Variants in CANT1 observed in about 807,000 individuals in gnomAD.
CANT1 encodes the protein calcium activated nucleotidase 1.
Under a neutral mutation model 30.0 loss-of-function variants are expected in CANT1, and 26 were observed. The ratio of observed to expected loss-of-function variants is 0.87; its 90% CI spans 0.64 to 1.20. The LOEUF is 1.20. Ranked by LOEUF, CANT1 falls within the 50% of genes most tolerant of loss-of-function variation. CANT1 has a pLI of 0.00. For synonymous variants in CANT1, 246 were observed against 251.8 expected (o/e 0.98, Z 0.22); for missense variants, 518 against 563.0 (o/e 0.92, Z 0.81).
chr17:79,005,079 T>G (rs1599250342), intron 1 of CANT1, among the ~76,000 whole-genome samples: 1 of 26,502 alleles, frequency 3.8e-5, no homozygotes, highest in Non-Finnish European at 6.0e-5. Context: ...AAGGGGGAGT[T>G]AGGGAGGGGA....
Position 78,997,616 on chromosome 17 carries a change from C to T in CANT1, c.7G>A (p.Val3Met), listed in dbSNP as rs748217733. Residue 3 changes from valine to methionine, a missense_variant, in exon 3 of 5, where the codon GTG becomes ATG. This residue lies in a region of CANT1 where 249 missense variants were observed against 268.8 expected (regional missense o/e 0.93). Coordinates refer to ENST00000392446, the MANE Select transcript of CANT1 (RefSeq NM_001159773.2). This position sits in a 1 kb window ranked among gnomAD's most constrained non-coding sequence, Gnocchi z 7.5. ...CATTCCGGGTGCTCAGACAGCTGCA[C>T]GGGCATCAGCGTGACAGACAGGCGG... Reference protein sequence around the residue: MPVQLSEHPEWNE... With the variant: MPMQLSEHPEWNE... 9 of 1,568,118 alleles carry T rather than the reference C, an allele frequency of 5.7e-6. No homozygotes were observed. Among genetic ancestry groups the T allele is most frequent in the Admixed American group, 1.9e-5 (1 of 53,570 alleles).
rs760260810 is a variant in CANT1 at position 78,993,833 on chromosome 17, C to T, written c.923G>A (p.Ser308Asn). 28 of 1,604,316 alleles carry T rather than the reference C, an allele frequency of 1.7e-5. No individual in the cohort carries two copies. Among genetic ancestry groups the T allele is most frequent in the Non-Finnish European group, 2.4e-5 (28 of 1,176,674 alleles). ...LPRRASQERYSEKDDERKGAN... is the reference protein window; with the variant it reads ...LPRRASQERYNEKDDERKGAN... ...GCCCTTGCGCTCGTCGTCCTTCTCG[C>T]TGTAGCGCTCCTGGCTGGCGCGGCG... The change falls in exon 5 of 5, where the codon AGC becomes AAC. Residue 308 changes from serine (S) to asparagine (N), a missense_variant. By Grantham distance (46) the Ser-to-Asn change is conservative. Around this residue, in one of 3 missense-constraint regions of CANT1, gnomAD observed 221 missense variants for 211.8 expected, o/e 1.04. Coordinates refer to ENST00000392446, the MANE Select transcript of CANT1 (RefSeq NM_001159773.2). The surrounding 1 kb of genome is among the most constrained non-coding windows in gnomAD (Gnocchi z 4.5).
intron 1 of CANT1, among the ~76,000 whole-genome samples, chr17:79,000,542 T>G (rs1411653454): frequency 1.3e-5 from 2 of 150,986 alleles, no homozygotes; most frequent in African/African-American, 4.9e-5. Context: ...TGCCATGAAG[T>G]AGCATCCATC....
Position 78,997,156 on chromosome 17 carries a change from G to C in CANT1, c.467C>G (p.Ser156Cys), listed in dbSNP as rs777781916. ...EWDKDHGVLE[S>C]HLAEKGRGME... The stretch of plus-strand genomic sequence containing the variant: ...GCCTCTCCCCTTCTCCGCCAGGTGG[G>C]ACTCCAGGACCCCATGGTCTTTGTC... Residue 156 changes from serine (S) to cysteine (C), a missense_variant, in exon 3 of 5, where the codon TCC becomes TGC. By Grantham distance (112) the Ser-to-Cys change is moderately radical. Transcript: ENST00000392446. The surrounding 1 kb of genome is among the most constrained non-coding windows in gnomAD (Gnocchi z 7.5). 2.5e-6 allele frequency: 4 copies of C among 1,614,134 alleles called. No individual in the cohort carries two copies. In the South Asian group the frequency reaches 4.4e-5, roughly 18 times the overall value.
At position 78,993,378 on chromosome 17, in the gene CANT1, TG is replaced by T; in HGVS notation, c.*171del. 1 of 920,758 alleles carries T rather than the reference TG, an allele frequency of 1.1e-6. No homozygotes were observed. Among genetic ancestry groups the T allele is most frequent in the Non-Finnish European group, 1.6e-6 (1 of 606,136 alleles). 57.0% of individuals were successfully genotyped at this position (920,758 alleles called of 1,614,324 possible). A position where few individuals can be genotyped will look rare whatever the true frequency, so the allele number is the denominator to read the frequency against. ...AAAGCAGTTCAGACCGCGGCCTCCG[TG>T]GGGCCCGGGGGTCCAGTGCCCGCAC... On this transcript the variant is annotated 3_prime_UTR_variant, in exon 5 of 5. Coordinates refer to ENST00000392446, the MANE Select transcript of CANT1 (RefSeq NM_001159773.2). The surrounding 1 kb of genome is among the most constrained non-coding windows in gnomAD (Gnocchi z 4.5).
chr17:78,993,394 A>G lies in CANT1; in HGVS notation c.*156T>C, dbSNP rs527275596. 5.5e-6 allele frequency: 6 copies of G among 1,083,314 alleles called. No individual in the cohort carries two copies. The highest frequency in any genetic ancestry group is 8.1e-6 in the Non-Finnish European group (6 of 743,828). The allele number at this position is 1,083,314 out of a possible 1,614,324, so 67.1% of individuals were successfully genotyped here. On this transcript the variant is annotated 3_prime_UTR_variant, in exon 5 of 5. Coordinates refer to ENST00000392446, the MANE Select transcript of CANT1 (RefSeq NM_001159773.2). This position sits in a 1 kb window ranked among gnomAD's most constrained non-coding sequence, Gnocchi z 4.5. ...CGGCCTCCGTGGGGCCCGGGGGTCC[A>G]GTGCCCGCACCACTATGGGGCCCGG...
At position 78,997,436 on chromosome 17, in the gene CANT1, G is replaced by T. The variant is rs760657405; in HGVS notation, c.187C>A (p.Arg63Ser). The T allele has an allele frequency of 3.4e-5, 54 of 1,606,604 alleles. No individual in the cohort carries two copies. The highest frequency in any genetic ancestry group is 4.5e-5 in the Non-Finnish European group (53 of 1,175,318). The change falls in exon 3 of 5, where the codon CGC becomes AGC. Residue 63 changes from arginine (R) to serine (S), a missense_variant. Physicochemically the swap from Arg to Ser is moderately radical, Grantham distance 110. Coordinates refer to ENST00000392446, the MANE Select transcript of CANT1 (RefSeq NM_001159773.2). This position sits in a 1 kb window ranked among gnomAD's most constrained non-coding sequence, Gnocchi z 7.5. ...GTGGGGGGCCTGCCGGGGGCCGGGCGGTGGGAGCAGAGCAGCCAGAGGATG... is the reference window on the plus strand; with the variant it reads ...GTGGGGGGCCTGCCGGGGGCCGGGCTGTGGGAGCAGAGCAGCCAGAGGATG... ...AAILWLLCSH[R>S]PAPGRPPTHN...
In CANT1 at chr17:78,995,331, CCG is replaced by C; in HGVS notation, c.632-112_632-111del. 1.7e-6 allele frequency: 2 copies of C among 1,191,614 alleles called. No homozygotes were observed. The highest frequency in any genetic ancestry group is 3.0e-5 in the African/African-American group (2 of 66,508). 73.8% of individuals were successfully genotyped at this position (1,191,614 alleles called of 1,614,324 possible). On this transcript the variant is annotated intron_variant, in intron 3 of 4. Coordinates refer to ENST00000392446, the MANE Select transcript of CANT1 (RefSeq NM_001159773.2). The surrounding 1 kb of genome is among the most constrained non-coding windows in gnomAD (Gnocchi z 5.7). ...CTTAGACCCCGCACCTGACTCCCGCCCGGCTCCACACCTGCCTCCCCTCCGGC... is the reference window on the plus strand; with the variant it reads ...CTTAGACCCCGCACCTGACTCCCGCCGCTCCACACCTGCCTCCCCTCCGGC...
Position 78,992,769 on chromosome 17 carries a change from G to T in CANT1, c.*781C>A, listed in dbSNP as rs764123397. ...TTACAATCTCCCGCACTGCTGGAGC[G>T]GGCTGGGTAACTACAGGACTGTGCT... On this transcript the variant is annotated 3_prime_UTR_variant, in exon 5 of 5. Transcript: ENST00000392446. 1 of 585,022 alleles carries T rather than the reference G, an allele frequency of 1.7e-6. No homozygotes were observed. 36.2% of individuals were successfully genotyped at this position (585,022 alleles called of 1,614,324 possible). A position where few individuals can be genotyped will look rare whatever the true frequency, so the allele number is the denominator to read the frequency against.
In CANT1 at chr17:78,991,756, A is replaced by C. The variant is rs192546263; in HGVS notation, c.*1794T>G. 1.3e-3 allele frequency: 279 copies of C among 216,720 alleles called. No individual in the cohort carries two copies. Among genetic ancestry groups the C allele is most frequent in the Non-Finnish European group, 2.1e-3 (230 of 107,564 alleles). The allele number at this position is 216,720 out of a possible 1,614,324, so 13.4% of individuals were successfully genotyped here. A position where few individuals can be genotyped will look rare whatever the true frequency, so the allele number is the denominator to read the frequency against. ...GCTTTATTGTTTACAAAACAGATGG[A>C]TCCCATAGGGAAGGAACACAATCAT... On this transcript the variant is annotated 3_prime_UTR_variant, in exon 5 of 5. Coordinates refer to ENST00000392446, the MANE Select transcript of CANT1 (RefSeq NM_001159773.2).
In CANT1 at chr17:78,993,840, G is replaced by A. The variant is rs569632479; in HGVS notation, c.916C>T (p.Arg306Cys). The A allele has an allele frequency of 6.9e-6, 11 of 1,602,768 alleles. No homozygotes were observed. Among genetic ancestry groups the A allele is most frequent in the East Asian group, 4.5e-5 (2 of 44,740 alleles). The change falls in exon 5 of 5, where the codon CGC becomes TGC. Residue 306 changes from arginine (R) to cysteine (C), a missense_variant. Coordinates refer to ENST00000392446, the MANE Select transcript of CANT1 (RefSeq NM_001159773.2). The surrounding 1 kb of genome is among the most constrained non-coding windows in gnomAD (Gnocchi z 4.5). The stretch of plus-strand genomic sequence containing the variant: ...CGCTCGTCGTCCTTCTCGCTGTAGC[G>A]CTCCTGGCTGGCGCGGCGCGGCAGG... ...FFLPRRASQE[R>C]YSEKDDERKG...
In CANT1 at chr17:78,996,927, T is replaced by A. The variant is rs750079353; in HGVS notation, c.631+65A>T. Reference sequence around the variant, plus strand: ...GAATTCTTTACCATGTGCCTGTGTTTGCCAGCCAGGCCCTGAGCTCCCACT... The same window carrying A: ...GAATTCTTTACCATGTGCCTGTGTTAGCCAGCCAGGCCCTGAGCTCCCACT... On this transcript the variant is annotated intron_variant, in intron 3 of 4. Coordinates refer to ENST00000392446, the MANE Select transcript of CANT1 (RefSeq NM_001159773.2). The surrounding 1 kb of genome is among the most constrained non-coding windows in gnomAD (Gnocchi z 5.1). 8.7e-6 allele frequency: 14 copies of A among 1,600,614 alleles called. No homozygotes were observed. The highest frequency in any genetic ancestry group is 1.7e-5 in the Admixed American group (1 of 59,998).
In CANT1 at chr17:78,993,802, G is replaced by A. The variant is rs1223709138; in HGVS notation, c.954C>T (p.Asn318=). Residue 318 remains asparagine, a synonymous_variant, in exon 5 of 5, where the codon AAC becomes AAT. Coordinates refer to ENST00000392446, the MANE Select transcript of CANT1 (RefSeq NM_001159773.2). The surrounding 1 kb of genome is among the most constrained non-coding windows in gnomAD (Gnocchi z 4.5). ...AGTCAGGGGAGGCGCTCAGCAGCAGGTTGGCGCCCTTGCGCTCGTCGTCCT... is the reference window on the plus strand; with the variant it reads ...AGTCAGGGGAGGCGCTCAGCAGCAGATTGGCGCCCTTGCGCTCGTCGTCCT... The part of the protein sequence containing the change: ...SEKDDERKGA[N]LLLSASPDFG... The A allele has an allele frequency of 1.2e-6, 2 of 1,610,306 alleles. No homozygotes were observed. The highest frequency in any genetic ancestry group is 1.3e-5 in the African/African-American group (1 of 74,944).
intron 1 of CANT1, among the ~76,000 whole-genome samples, chr17:79,001,906 G>C (rs2071276667): frequency 6.6e-6 from 1 of 152,090 alleles, no homozygotes. Context: ...GGAACTCCCT[G>C]TCCTGGCAGT....
rs564535136 is a variant in CANT1, at chr17:78,992,679, T to C, written c.*871A>G. The C allele has an allele frequency of 6.8e-6, 4 of 591,568 alleles. No homozygotes were observed. In the Admixed American group the frequency reaches 7.7e-5, roughly 11 times the overall value. The allele number at this position is 591,568 out of a possible 1,614,324, so 36.6% of individuals were successfully genotyped here. ...CTAGAAAAAGGCAACATTTTCTTTA[T>C]CTTTGTATCCATTGGCCAAGAACGC... On this transcript the variant is annotated 3_prime_UTR_variant, in exon 5 of 5. Transcript: ENST00000392446.
Position 78,995,297 on chromosome 17 carries a change from G to C in CANT1, c.632-76C>G. On this transcript the variant is annotated intron_variant, in intron 3 of 4. Coordinates refer to ENST00000392446, the MANE Select transcript of CANT1 (RefSeq NM_001159773.2). This position sits in a 1 kb window ranked among gnomAD's most constrained non-coding sequence, Gnocchi z 5.7. ...CTGCACCTGGCTCCCACCCGGCCCCGCACCTGTCCTTAGACCCCGCACCTG... is the reference window on the plus strand; with the variant it reads ...CTGCACCTGGCTCCCACCCGGCCCCCCACCTGTCCTTAGACCCCGCACCTG... 6.8e-7 allele frequency: 1 copy of C among 1,474,330 alleles called. No homozygotes were observed. The highest frequency in any genetic ancestry group is 1.9e-5 in the Admixed American group (1 of 53,734). The allele number at this position is 1,474,330 out of a possible 1,614,324, so 91.3% of individuals were successfully genotyped here. A position where few individuals can be genotyped will look rare whatever the true frequency, so the allele number is the denominator to read the frequency against.
intron 4 of CANT1, among the ~76,000 whole-genome samples, chr17:78,994,343 T>C (rs2070952127): frequency 6.6e-6 from 1 of 152,186 alleles, no homozygotes; most frequent in Non-Finnish European, 1.5e-5. Flanking sequence ...CACTTCCTCC[T>C]GAACCTCAGG....
intron 1 of CANT1, among the ~76,000 whole-genome samples, chr17:79,000,545 C>T (rs995310364): frequency 6.6e-6 from 1 of 151,968 alleles, no homozygotes; most frequent in Admixed American, 6.6e-5. Context: ...CATGAAGTAG[C>T]ATCCATCAGA....
At chr17:79,005,583 C>T (rs911929770) in intron 1 of CANT1, 2 of 152,230 alleles carry the variant, frequency 1.3e-5, no homozygotes, top group African/African-American at 4.8e-5. Flanking sequence ...GCCACATCAT[C>T]CTGTTAAGAG....
Sources: gnomAD v4.1 joint callset for allele counts (sites outside exome capture counted in the v4.1 genomes callset) on GRCh38, gnomAD v4.1.1 for gene constraint, gnomAD v4.1.1 regional missense constraint, Gnocchi (gnomAD v3.1) non-coding constraint, MANE v1.5 for transcripts, NCBI Gene and HGNC (gene_info 2026-07-23, HGNC 2026-07-21) for gene names.